TOLLIP: variants seen among roughly 807,000 people sequenced by gnomAD.
TOLLIP encodes the protein toll-interacting protein.
In TOLLIP, 16 loss-of-function variants were observed where a neutral mutation model predicts 33.5. The observed-to-expected ratio is 0.48, with a 90% CI of 0.32 to 0.72. The LOEUF (loss-of-function observed/expected upper bound fraction) is 0.72. TOLLIP is among the 30% of genes least tolerant of loss of function. The pLI is 0.03. For missense variants in TOLLIP, 325 were observed against 396.6 expected (o/e 0.82, Z 1.53); for synonymous variants, 176 against 163.7 (o/e 1.07, Z -0.57).
At position 1,277,900 on chromosome 11, in the gene TOLLIP, A is replaced by G. The variant is rs1390099705; in HGVS notation, c.611-647T>C. Among the ~76,000 whole-genome samples, 1 of 152,120 alleles carries G rather than the reference A, an allele frequency of 6.6e-6. No individual in the cohort carries two copies. ...CACCAAGAAAATGCTCACAAAACTC[A>G]AACAAGTGGGGCAGCAGGTGCGGTG... On this transcript the variant is annotated intron_variant, in intron 5 of 5. Transcript: ENST00000317204. The surrounding 1 kb of genome is among the most constrained non-coding windows in gnomAD (Gnocchi z 4.2).
At chr11:1,280,222 G>A (rs1863448075) in intron 5 of TOLLIP, among the ~76,000 whole-genome samples, 2 of 152,360 alleles carry the variant, frequency 1.3e-5, no homozygotes, top group South Asian at 2.1e-4. Context: ...TTCCACGTGC[G>A]AGGGGAAGCA....
Position 1,277,473 on chromosome 11 carries a change from T to A in TOLLIP, c.611-220A>T, listed in dbSNP as rs1412494268. On this transcript the variant is annotated intron_variant, in intron 5 of 5. Coordinates refer to ENST00000317204, the MANE Select transcript of TOLLIP (RefSeq NM_019009.4). This position sits in a 1 kb window ranked among gnomAD's most constrained non-coding sequence, Gnocchi z 4.2. Reference sequence around the variant, plus strand: ...CGGGGAAGGTGGGCAGGGCCCTCTGTGACGCCTCCTTCACTAACTCATCTT... The same window carrying A: ...CGGGGAAGGTGGGCAGGGCCCTCTGAGACGCCTCCTTCACTAACTCATCTT... Among the ~76,000 whole-genome samples, 3 of 152,216 alleles carry A rather than the reference T, an allele frequency of 2.0e-5. No individual in the cohort carries two copies. Among genetic ancestry groups the A allele is most frequent in the Non-Finnish European group, 4.4e-5 (3 of 68,036 alleles).
At chr11:1,299,857 C>T (rs527243866) in intron 1 of TOLLIP, among the ~76,000 whole-genome samples, 3 of 152,228 alleles carry the variant, frequency 2.0e-5, no homozygotes, top group East Asian at 1.9e-4. Flanking sequence ...ATCCACCCAG[C>T]GCATCGCCAC....
intron 1 of TOLLIP, 27 bp downstream of exon 1, chr11:1,309,439 C>G: frequency 7.8e-7 from 1 of 1,278,552 alleles, no homozygotes. Flanking sequence ...TCACCGCCCC[C>G]GCCCGACCCT....
At chr11:1,284,418 G>A (rs551640536) in intron 5 of TOLLIP, among the ~76,000 whole-genome samples, 5 of 151,870 alleles carry the variant, frequency 3.3e-5, no homozygotes, top group African/African-American at 9.7e-5. Flanking sequence ...GCGCAATCTC[G>A]GCTCACTGCA....
rs530707621 is a variant in TOLLIP, at chr11:1,295,913, G to A, written c.34-119C>T. 1.1e-4 allele frequency: 147 copies of A among 1,292,638 alleles called. No homozygotes were observed. The African/African-American group carries it at 2.0e-3, about 18-fold the overall frequency. 80.1% of individuals were successfully genotyped at this position (1,292,638 alleles called of 1,614,324 possible). A position where few individuals can be genotyped will look rare whatever the true frequency, so the allele number is the denominator to read the frequency against. On this transcript the variant is annotated intron_variant, in intron 1 of 5. Transcript: ENST00000317204. ...CCCACCCATGTCCTTATCAAGTCCT[G>A]GACTGTGCTCAGCCTCAGTTTCCTC...
chr11:1,276,070 C>G lies in TOLLIP; in HGVS notation c.*969G>C, dbSNP rs1346178218. On this transcript the variant is annotated 3_prime_UTR_variant, in exon 6 of 6. Transcript: ENST00000317204. ...AGTGAGCGCCTCCCGCCTCAGAAAG[C>G]TTTTACAGGGCCACGCTCGCCAGGC... 6.6e-6 allele frequency: 1 copy of G among 152,348 alleles called. No individual in the cohort carries two copies. The highest frequency in any genetic ancestry group is 2.4e-5 in the African/African-American group (1 of 41,462). The allele number at this position is 152,348 out of a possible 1,614,324, so 9.4% of individuals were successfully genotyped here.
Position 1,276,843 on chromosome 11 carries a change from C to T in TOLLIP, c.*196G>A, listed in dbSNP as rs376184285. On this transcript the variant is annotated 3_prime_UTR_variant, in exon 6 of 6. Coordinates refer to ENST00000317204, the MANE Select transcript of TOLLIP (RefSeq NM_019009.4). The stretch of plus-strand genomic sequence containing the variant: ...CAGCACGAGATGGGAGGGGAGCCCC[C>T]GCCCCGTCCTGGACCGCCAGGAACC... The T allele has an allele frequency of 3.3e-5, 51 of 1,532,756 alleles. No homozygotes were observed. The African/African-American group carries it at 5.9e-4, about 18-fold the overall frequency. The allele number at this position is 1,532,756 out of a possible 1,614,324, so 94.9% of individuals were successfully genotyped here.
Position 1,274,702 on chromosome 11 carries a change from T to G in TOLLIP, c.*2337A>C, listed in dbSNP as rs1808619029. ...CGGAGCTGGCGATCGGCCTGCATCT[T>G]CAAACCCAGGAGCAGGAGCAGCAGA... On this transcript the variant is annotated 3_prime_UTR_variant, in exon 6 of 6. Coordinates refer to ENST00000317204, the MANE Select transcript of TOLLIP (RefSeq NM_019009.4). The G allele has an allele frequency of 6.6e-6, 1 of 152,248 alleles. No homozygotes were observed. The highest frequency in any genetic ancestry group is 1.5e-5 in the Non-Finnish European group (1 of 68,090). The allele number at this position is 152,248 out of a possible 1,614,324, so 9.4% of individuals were successfully genotyped here.
chr11:1,289,129 G>A (rs980432050), intron 3 of TOLLIP, among the ~76,000 whole-genome samples: 2 of 152,198 alleles, frequency 1.3e-5, no homozygotes, highest in African/African-American at 4.8e-5. Flanking sequence ...TTGCTCCACC[G>A]GCTGCCACCT....
At chr11:1,293,325 G>A (rs1284576615) in intron 2 of TOLLIP, among the ~76,000 whole-genome samples, 1 of 152,234 alleles carries the variant, frequency 6.6e-6, no homozygotes, top group Non-Finnish European at 1.5e-5. Flanking sequence ...GATCTGGGGT[G>A]GAGCTGAGTG....
At chr11:1,292,649 A>G (rs562857927) in intron 2 of TOLLIP, among the ~76,000 whole-genome samples, 2 of 152,384 alleles carry the variant, frequency 1.3e-5, no homozygotes, top group South Asian at 4.1e-4. Flanking sequence ...GTTCTGGTGC[A>G]GGAGACACTG....
chr11:1,302,620 G>GC, intron 1 of TOLLIP: 1 of 987,382 alleles, frequency 1.0e-6, no homozygotes, highest in East Asian at 1.1e-4. Context: ...GCCAGCCTCG[G>GC]CCTCACGCTC....
At chr11:1,279,426 T>C (rs1044522804) in intron 5 of TOLLIP, among the ~76,000 whole-genome samples, 3 of 152,200 alleles carry the variant, frequency 2.0e-5, no homozygotes, top group African/African-American at 7.2e-5. Context: ...TGAGCGTATG[T>C]GTCAAGGCTG....
At chr11:1,285,952 C>T (rs1422815630) in intron 5 of TOLLIP, 50 bp downstream of exon 5, 3 of 1,476,812 alleles carry the variant, frequency 2.0e-6, no homozygotes, top group Middle Eastern at 1.7e-4. Context: ...CTGCCCTAGG[C>T]CCTGGGGTTT....
chr11:1,284,589 T>G (rs1334864380), intron 5 of TOLLIP, among the ~76,000 whole-genome samples: 1 of 152,148 alleles, frequency 6.6e-6, no homozygotes, highest in Non-Finnish European at 1.5e-5. Context: ...GACCTCACGA[T>G]CTGCCCGCCT....
intron 4 of TOLLIP, 51 bp from the exon 5 acceptor site, chr11:1,286,143 C>A (rs376369997): frequency 1.9e-5 from 28 of 1,440,608 alleles, no homozygotes; most frequent in African/African-American, 2.8e-5. Context: ...ATCCACCCAT[C>A]AGAACCTCGG....
At chr11:1,297,169 C>T (rs370600804) in intron 1 of TOLLIP, among the ~76,000 whole-genome samples, 45 of 152,240 alleles carry the variant, frequency 3.0e-4, no homozygotes, top group African/African-American at 1.0e-3. Flanking sequence ...GCAAAGTGCA[C>T]GTGCTGAGGC....
chr11:1,285,588 G>A (rs1264137145), intron 5 of TOLLIP, among the ~76,000 whole-genome samples: 1 of 152,150 alleles, frequency 6.6e-6, no homozygotes, highest in African/African-American at 2.4e-5. Context: ...CAGACACAAC[G>A]GCGCAGCGCA....
Sources: gnomAD v4.1 joint callset for allele counts (sites outside exome capture counted in the v4.1 genomes callset) on GRCh38, gnomAD v4.1.1 for gene constraint, Gnocchi (gnomAD v3.1) non-coding constraint, MANE v1.5 for transcripts, NCBI Gene and HGNC (gene_info 2026-07-23, HGNC 2026-07-21) for gene names.